The following LPA variants were observed in gnomAD, a reference collection of about 807,000 sequenced individuals.
LPA encodes apolipoprotein(a).
In LPA, 199 loss-of-function variants were observed where a neutral mutation model predicts 197.9. The observed-to-expected ratio is 1.01, with a 90% CI of 0.90 to 1.13. The LOEUF is 1.13. Among genes scored for constraint, LPA ranks in the 50% most tolerant of loss-of-function variants. The probability of loss-of-function intolerance (pLI) is 0.00; values close to 1 mark genes in which losing one functional copy is unlikely to be tolerated. For synonymous variants in LPA, 715 were observed against 639.5 expected, an observed-to-expected ratio of 1.12 and a Z score of -1.78; for missense variants, 1,853 against 1,785.8, an observed-to-expected ratio of 1.04 and a Z score of -0.68.
chr6:160,558,683 A>T (rs568165135), intron 28 of LPA, among the ~76,000 whole-genome samples: 3 of 152,312 alleles, frequency 2.0e-5, no homozygotes, highest in East Asian at 3.9e-4. Context: ...CTGGGTAGAC[A>T]ATGGGATCTG....
rs140720828 is a variant in LPA, at chr6:160,577,245, G to A, written c.4522C>T (p.Arg1508Trp). 301 of 1,613,834 alleles carry A rather than the reference G, an allele frequency of 1.9e-4. No individual in the cohort carries two copies. The African/African-American group carries it at 2.8e-3, about 15-fold the overall frequency. The change falls in exon 28 of 39, where the codon CGG (arginine) becomes TGG (tryptophan). Residue 1508 changes from arginine to tryptophan, a missense_variant. Coordinates refer to ENST00000316300, the MANE Select transcript of LPA (RefSeq NM_005577.4). ...GTGGAGGATATGCCTCGATAACTCC[G>A]TCCATCACCATGGTAGCAATCCTGG... ...VVQDCYHGDG[R>W]SYRGISSTTV...
intron 18 of LPA, among the ~76,000 whole-genome samples, chr6:160,601,564 G>GA (rs1454973698): frequency 2.0e-5 from 3 of 152,240 alleles, no homozygotes; most frequent in Non-Finnish European, 4.4e-5. Flanking sequence ...GTTCTCCAGA[G>GA]AAAAAAATGG....
chr6:160,548,409 T>A (rs1778110274), intron 31 of LPA, 69 bp downstream of exon 31: 1 of 1,529,456 alleles, frequency 6.5e-7, no homozygotes, highest in Admixed American at 1.7e-5. Context: ...GTTTTTCATG[T>A]CTTTTCATCC....
At chr6:160,610,638 G>C (rs1241210554) in intron 16 of LPA, among the ~76,000 whole-genome samples, 2 of 151,992 alleles carry the variant, frequency 1.3e-5, no homozygotes, top group Non-Finnish European at 2.9e-5. Flanking sequence ...CGTATTTGTA[G>C]AGCTCCTTTC....
At chr6:160,660,069 TTTC>T (rs1302492328) in intron 1 of LPA, among the ~76,000 whole-genome samples, 1 of 152,210 alleles carries the variant, frequency 6.6e-6, no homozygotes, top group African/African-American at 2.4e-5. Context: ...AAGTACAATG[TTTC>T]TTGTTTCTTT....
chr6:160,640,681 G>T lies in LPA; in HGVS notation c.719C>A (p.Ala240Asp), dbSNP rs1470956260. The T allele has an allele frequency of 3.5e-6, 1 of 288,268 alleles. No individual in the cohort carries two copies. Among genetic ancestry groups the T allele is most frequent in the Admixed American group, 6.2e-5 (1 of 16,100 alleles). 17.9% of individuals were successfully genotyped at this position (288,268 alleles called of 1,614,324 possible). ...PTVTPVPSLE[A>D]PSEQAPTEQR... ...AGACTCCTTACCTTGTTCGGAAGGA[G>T]CCTCTAGGCTTGGAACCGGGGTAAC... Residue 240 changes from alanine (A) to aspartate (D), a missense_variant, in exon 5 of 39, where the codon GCT (alanine) becomes GAT (aspartate). Ala to Asp is a moderately radical substitution (Grantham distance 126). Coordinates refer to ENST00000316300, the MANE Select transcript of LPA (RefSeq NM_005577.4).
chr6:160,531,562 C>T lies in LPA; in HGVS notation c.*167G>A. The T allele has an allele frequency of 3.8e-6, 3 of 797,554 alleles. No individual in the cohort carries two copies. The East Asian group carries it at 8.0e-5, about 21-fold the overall frequency. 49.4% of individuals were successfully genotyped at this position (797,554 alleles called of 1,614,324 possible). ...CTTAATACAGAATTTGTCAGTCAGA[C>T]CTTAAAAGCTTATACACAAAAATAC... On this transcript the variant is annotated 3_prime_UTR_variant, in exon 39 of 39. Transcript: ENST00000316300.
chr6:160,634,946 C>G (rs1197504308), intron 7 of LPA, among the ~76,000 whole-genome samples, 177 bp downstream of exon 7: 5 of 150,274 alleles, frequency 3.3e-5, no homozygotes, highest in Non-Finnish European at 7.4e-5. Context: ...CCAAGTTGCA[C>G]CAGAAATCAC....
chr6:160,591,845 C>G (rs546692265), intron 22 of LPA, among the ~76,000 whole-genome samples: 1 of 152,276 alleles, frequency 6.6e-6, no homozygotes, highest in East Asian at 1.9e-4. Flanking sequence ...CCATCCATCC[C>G]CTTTCCTTGT....
chr6:160,557,922 A>ATT (rs35457795), intron 28 of LPA, among the ~76,000 whole-genome samples: 11 of 143,580 alleles, frequency 7.7e-5, no homozygotes, highest in Admixed American at 7.0e-5. Flanking sequence ...TGCATTTTAG[A>ATT]TTTTTTTTTT....
At chr6:160,575,502 G>A (rs373572046) in intron 28 of LPA, among the ~76,000 whole-genome samples, 2 of 152,168 alleles carry the variant, frequency 1.3e-5, no homozygotes, top group Non-Finnish European at 2.9e-5. Flanking sequence ...AAGAGGTTAA[G>A]CTTTCTTCTG....
At chr6:160,606,314 G>A (rs1342943786) in intron 17 of LPA, among the ~76,000 whole-genome samples, 163 bp downstream of exon 17, 6 of 152,100 alleles carry the variant, frequency 3.9e-5, no homozygotes, top group Non-Finnish European at 7.4e-5. Context: ...AAATCAATCC[G>A]CTGGCTCCCC....
intron 1 of LPA, among the ~76,000 whole-genome samples, chr6:160,660,609 T>G (rs1780208100): frequency 6.6e-6 from 1 of 152,222 alleles, no homozygotes; most frequent in Non-Finnish European, 1.5e-5. Flanking sequence ...GTTTGATTTC[T>G]TACAATATGT....
chr6:160,586,693 C>T (rs930063634), intron 24 of LPA, 63 bp from the exon 25 acceptor site: 10 of 1,608,906 alleles, frequency 6.2e-6, no homozygotes, highest in Non-Finnish European at 8.5e-6. Context: ...CACCTGGCAC[C>T]CTCTATGTTT....
At chr6:160,653,297 G>A (rs116708084) in intron 1 of LPA, among the ~76,000 whole-genome samples, 109 of 152,082 alleles carry the variant, frequency 7.2e-4, no homozygotes, top group African/African-American at 2.4e-3. Context: ...CAATCTAAAA[G>A]AGAAATAGAC....
chr6:160,587,801 T>TGTGTTTTTCTG (rs1562333102), intron 24 of LPA, among the ~76,000 whole-genome samples: 3 of 79,636 alleles, frequency 3.8e-5, no homozygotes, highest in Non-Finnish European at 7.7e-5. Context: ...GTGTGTGTGT[T>TGTGTTTTTCTG]TCTGTCTGTT....
At chr6:160,574,403 C>G (rs945545370) in intron 28 of LPA, among the ~76,000 whole-genome samples, 4 of 152,150 alleles carry the variant, frequency 2.6e-5, no homozygotes, top group Admixed American at 6.5e-5. Flanking sequence ...ATGCCCTCCC[C>G]CAAGTTCTGG....
intron 14 of LPA, among the ~76,000 whole-genome samples, chr6:160,615,101 A>AT (rs1252450910): frequency 9.2e-6 from 1 of 109,158 alleles, no homozygotes; most frequent in South Asian, 3.1e-4. Flanking sequence ...CGATTCTGTG[A>AT]TTTTTTTTAA....
chr6:160,611,153 C>T (rs764175539), intron 16 of LPA, among the ~76,000 whole-genome samples: 2 of 152,090 alleles, frequency 1.3e-5, no homozygotes, highest in Non-Finnish European at 2.9e-5. Flanking sequence ...TAAGTAAGCA[C>T]ATAAACTTTC....
Sources: gnomAD v4.1 joint callset for allele counts (sites outside exome capture counted in the v4.1 genomes callset) on GRCh38, gnomAD v4.1.1 for gene constraint, MANE v1.5 for transcripts, NCBI Gene and HGNC (gene_info 2026-07-23, HGNC 2026-07-21) for gene names.